The following ALMS1 variants were observed in gnomAD, a reference collection of about 807,000 sequenced individuals.
ALMS1 encodes centrosome-associated protein ALMS1.
ALMS1 carries 271 observed loss-of-function variants against 352.2 expected under a neutral mutation model. The ratio of observed to expected loss-of-function variants is 0.77; its 90% confidence interval spans 0.70 to 0.85. ALMS1 has a LOEUF of 0.85. ALMS1 is among the 40% of genes least tolerant of loss of function. The pLI is 0.00. For missense variants in ALMS1, 5,445 were observed against 4,870.7 expected (o/e 1.12, Z -3.51); for synonymous variants, 1,865 against 1,761.2 (o/e 1.06, Z -1.48).
At chr2:73,464,049 T>G (rs1231816878) in intron 9 of ALMS1, among the ~76,000 whole-genome samples, 1 of 152,224 alleles carries the variant, frequency 6.6e-6, no homozygotes, top group Non-Finnish European at 1.5e-5. Context: ...CTTCTGAAAC[T>G]ATTCCAATCA....
intron 10 of ALMS1, among the ~76,000 whole-genome samples, chr2:73,496,400 C>T (rs1301477536): frequency 6.6e-6 from 1 of 152,150 alleles, no homozygotes; most frequent in African/African-American, 2.4e-5. Context: ...ACACATCCAT[C>T]TTGTGTGGAT....
chr2:73,483,350 C>G (rs1246090), intron 9 of ALMS1, among the ~76,000 whole-genome samples: 71,393 of 148,654 alleles, frequency 0.48, 20,619 homozygotes, highest in East Asian at 0.76. Context: ...CATTCAGGAG[C>G]AGGTTGTTCA....
intron 10 of ALMS1, among the ~76,000 whole-genome samples, chr2:73,505,416 A>G (rs1244960822): frequency 6.6e-6 from 1 of 152,224 alleles, no homozygotes; most frequent in Non-Finnish European, 1.5e-5. Flanking sequence ...TTGCCATTCT[A>G]ACTGGTGTGA....
chr2:73,529,153 C>T (rs922315648), intron 11 of ALMS1, among the ~76,000 whole-genome samples: 4 of 149,864 alleles, frequency 2.7e-5, no homozygotes, highest in Non-Finnish European at 5.9e-5. Context: ...AAGCAATTCT[C>T]CTGCCTCACC....
At chr2:73,559,316 A>G (rs893497029) in intron 15 of ALMS1, among the ~76,000 whole-genome samples, 174 bp downstream of exon 15, 4 of 151,220 alleles carry the variant, frequency 2.6e-5, no homozygotes, top group South Asian at 2.1e-4. Flanking sequence ...TTAGGTTACT[A>G]TATATATATA....
intron 1 of ALMS1, among the ~76,000 whole-genome samples, chr2:73,405,474 T>A (rs2103668020): frequency 6.6e-6 from 1 of 152,228 alleles, no homozygotes; most frequent in African/African-American, 2.4e-5. Flanking sequence ...GGCCTTTTTT[T>A]TTCTCAGTCA....
At chr2:73,531,065 C>T (rs1337405335) in intron 11 of ALMS1, among the ~76,000 whole-genome samples, 1 of 152,240 alleles carries the variant, frequency 6.6e-6, no homozygotes, top group Non-Finnish European at 1.5e-5. Context: ...TCCCCATTGT[C>T]TTGGCTATTA....
chr2:73,512,139 C>T (rs1673465349), intron 10 of ALMS1, among the ~76,000 whole-genome samples: 1 of 152,274 alleles, frequency 6.6e-6, no homozygotes, highest in Non-Finnish European at 1.5e-5. Flanking sequence ...GATCTCAGCT[C>T]AGTAGCAGGA....
intron 9 of ALMS1, among the ~76,000 whole-genome samples, chr2:73,482,246 CG>C (rs1287587399): frequency 6.6e-6 from 1 of 152,130 alleles, no homozygotes; most frequent in African/African-American, 2.4e-5. Context: ...TTTTGAAATA[CG>C]TCCCATCAAT....
chr2:73,569,317 C>G (rs1356904033), intron 15 of ALMS1, among the ~76,000 whole-genome samples: 1 of 151,902 alleles, frequency 6.6e-6, no homozygotes, highest in Non-Finnish European at 1.5e-5. Context: ...GCCCAGCCTT[C>G]AGCTTGCTTA....
chr2:73,477,456 T>G (rs1193238655), intron 9 of ALMS1, among the ~76,000 whole-genome samples: 1 of 152,050 alleles, frequency 6.6e-6, no homozygotes, highest in Non-Finnish European at 1.5e-5. Flanking sequence ...CAAGATTATT[T>G]TGGCTGTTCT....
In ALMS1 at chr2:73,557,024, CTGT is replaced by C. The variant is rs1674559919; in HGVS notation, c.10079-189_10079-187del. Among the ~76,000 whole-genome samples, 6 of 152,218 alleles carry C rather than the reference CTGT, an allele frequency of 3.9e-5. No homozygotes were observed. The South Asian group carries it at 1.2e-3, about 32-fold the overall frequency. ...GCTTTAGAATGTTATTTTATTTAAACTGTTGTTGTACACAGTAAAGTATGAAAA... is the reference window on the plus strand; with the variant it reads ...GCTTTAGAATGTTATTTTATTTAAACTGTTGTACACAGTAAAGTATGAAAA... On this transcript the variant is annotated intron_variant, in intron 13 of 22. Coordinates refer to ENST00000613296, the MANE Select transcript of ALMS1 (RefSeq NM_001378454.1).
chr2:73,530,606 C>T (rs942652087), intron 11 of ALMS1, among the ~76,000 whole-genome samples: 2 of 152,228 alleles, frequency 1.3e-5, no homozygotes, highest in African/African-American at 4.8e-5. Context: ...TGGCCCTCTT[C>T]TCACAGCTCC....
intron 9 of ALMS1, among the ~76,000 whole-genome samples, chr2:73,459,777 T>G (rs1409270221): frequency 6.6e-6 from 1 of 152,178 alleles, no homozygotes; most frequent in Non-Finnish European, 1.5e-5. Flanking sequence ...TCACCAACCC[T>G]AGAGCTGTCC....
chr2:73,445,363 A>G (rs996275319), intron 7 of ALMS1, among the ~76,000 whole-genome samples: 15 of 152,136 alleles, frequency 9.9e-5, no homozygotes, highest in African/African-American at 3.4e-4. Flanking sequence ...ACATTTTTGT[A>G]CCCATTAACC....
At chr2:73,431,569 T>C (rs1454236881) in intron 6 of ALMS1, among the ~76,000 whole-genome samples, 1 of 152,192 alleles carries the variant, frequency 6.6e-6, no homozygotes, top group Non-Finnish European at 1.5e-5. Context: ...ACTTGTGACT[T>C]GATGAAACAT....
Position 73,490,717 on chromosome 2 carries a change from T to TC in ALMS1, c.8759dup (p.Cys2921LeufsTer5). 1.2e-6 allele frequency: 2 copies of TC among 1,614,152 alleles called. No individual in the cohort carries two copies. The highest frequency in any genetic ancestry group is 1.7e-6 in the Non-Finnish European group (2 of 1,180,020). ...GGATTATGTAGCTCCAGACCTTCCTTCTTGCATTTTTCTTGAACAACGAGA... is the reference window on the plus strand; with the variant it reads ...GGATTATGTAGCTCCAGACCTTCCTTCCTTGCATTTTTCTTGAACAACGAGA... On this transcript the variant is annotated frameshift_variant, in exon 10 of 23. Transcript: ENST00000613296. LOFTEE classifies it high-confidence loss of function.
At chr2:73,597,456 C>CT (rs1675575484) in intron 16 of ALMS1, among the ~76,000 whole-genome samples, 1 of 152,120 alleles carries the variant, frequency 6.6e-6, no homozygotes, top group African/African-American at 2.4e-5. Context: ...CCTACATATA[C>CT]TTTTTTAGTA....
chr2:73,550,212 T>C (rs1674400227), intron 12 of ALMS1, 55 bp from the exon 13 acceptor site: 2 of 1,602,306 alleles, frequency 1.2e-6, no homozygotes, highest in Non-Finnish European at 1.7e-6. Context: ...TAAAAAGTCT[T>C]TCTCAATCTC....
Sources: gnomAD v4.1 joint callset for allele counts (sites outside exome capture counted in the v4.1 genomes callset) on GRCh38, gnomAD v4.1.1 for gene constraint, MANE v1.5 for transcripts, NCBI Gene and HGNC (gene_info 2026-07-23, HGNC 2026-07-21) for gene names.